DOCK6: variants seen among roughly 807,000 people sequenced by gnomAD.
DOCK6 encodes dedicator of cytokinesis protein 6.
In DOCK6, 167 loss-of-function variants were observed where a neutral mutation model predicts 230.3. That is an observed-to-expected ratio of 0.73 (90% CI 0.64 to 0.82). The LOEUF is 0.82. Among genes scored for constraint, DOCK6 ranks in the 40% least tolerant of loss-of-function variants. The probability of loss-of-function intolerance (pLI) is 0.00; values close to 1 mark genes in which losing one functional copy is unlikely to be tolerated. For synonymous variants in DOCK6, 1,148 were observed against 1,185.0 expected, an observed-to-expected ratio of 0.97 and a Z score of 0.64; for missense variants, 2,598 against 2,825.8, an observed-to-expected ratio of 0.92 and a Z score of 1.83.
Position 11,200,650 on chromosome 19 carries a change from G to T in DOCK6, c.5939+66C>A. On this transcript the variant is annotated intron_variant, in intron 46 of 47. Transcript: ENST00000294618. This position sits in a 1 kb window ranked among gnomAD's most constrained non-coding sequence, Gnocchi z 4.3. ...TGGGGGAGCCATGCAGAGATCAGAT[G>T]GGCAGAGAGCAGGCCTATGCAGGTT... 6.6e-7 allele frequency: 1 copy of T among 1,512,108 alleles called. No homozygotes were observed. Among genetic ancestry groups the T allele is most frequent in the Non-Finnish European group, 9.0e-7 (1 of 1,115,000 alleles). 93.7% of individuals were successfully genotyped at this position (1,512,108 alleles called of 1,614,324 possible). A position where few individuals can be genotyped will look rare whatever the true frequency, so the allele number is the denominator to read the frequency against.
At chr19:11,224,214 CT>C (rs1555691471) in intron 24 of DOCK6, among the ~76,000 whole-genome samples, 177 of 142,038 alleles carry the variant, frequency 1.2e-3, no homozygotes, top group Middle Eastern at 7.4e-3. Flanking sequence ...TTCTTTCTTT[CT>C]TTTTTTTTTT....
intron 1 of DOCK6, among the ~76,000 whole-genome samples, chr19:11,257,957 C>A (rs925994318): frequency 2.0e-5 from 3 of 151,972 alleles, no homozygotes; most frequent in Admixed American, 1.3e-4. Context: ...CACACACACA[C>A]GCACACAGAA....
chr19:11,231,099 G>T (rs1032451327), intron 22 of DOCK6, among the ~76,000 whole-genome samples: 2 of 152,130 alleles, frequency 1.3e-5, no homozygotes, highest in African/African-American at 4.8e-5. Context: ...GGCCCCCCCT[G>T]CTTGTTCTGC....
At chr19:11,240,307 C>A in intron 14 of DOCK6, 1 of 1,550,176 alleles carries the variant, frequency 6.5e-7, no homozygotes. Flanking sequence ...GTAAGGAGCT[C>A]CCCCAACCCT....
chr19:11,255,493 C>G (rs2080183678), intron 1 of DOCK6, among the ~76,000 whole-genome samples: 1 of 151,586 alleles, frequency 6.6e-6, no homozygotes, highest in African/African-American at 2.4e-5. Flanking sequence ...TTTCTATTTT[C>G]AGTAGAGACA....
In DOCK6 at chr19:11,236,726, T is replaced by C. The variant is rs545720767; in HGVS notation, c.2160+67A>G. ...AGACCTCCCCGGCCATCGGCAACTG[T>C]TACTCAATCGTAGGGCAGGCAAGAG... On this transcript the variant is annotated intron_variant, in intron 19 of 47. Transcript: ENST00000294618. The surrounding 1 kb of genome is among the most constrained non-coding windows in gnomAD (Gnocchi z 5.2). 4.8e-5 allele frequency: 74 copies of C among 1,539,804 alleles called. No individual in the cohort carries two copies. The highest frequency in any genetic ancestry group is 2.0e-4 in the Admixed American group (10 of 50,840).
At position 11,200,167 on chromosome 19, in the gene DOCK6, AAAACCGGAAAC is replaced by A; in HGVS notation, c.6101+130_6101+140del. 1.1e-6 allele frequency: 1 copy of A among 937,520 alleles called. No individual in the cohort carries two copies. The allele number at this position is 937,520 out of a possible 1,614,324, so 58.1% of individuals were successfully genotyped here. ...GTCTCTCAAAAAAAAAAACAAAAAA[AAAACCGGAAAC>A]AAAACAAAGTCCAAGCTACCAGCAA... is the stretch of plus-strand genomic sequence containing the variant. On this transcript the variant is annotated intron_variant, in intron 47 of 47. Coordinates refer to ENST00000294618, the MANE Select transcript of DOCK6 (RefSeq NM_020812.4). This position sits in a 1 kb window ranked among gnomAD's most constrained non-coding sequence, Gnocchi z 4.3.
Position 11,236,215 on chromosome 19 carries a change from G to T in DOCK6, c.2392+131C>A. On this transcript the variant is annotated intron_variant, in intron 20 of 47. Coordinates refer to ENST00000294618, the MANE Select transcript of DOCK6 (RefSeq NM_020812.4). This position sits in a 1 kb window ranked among gnomAD's most constrained non-coding sequence, Gnocchi z 5.2. The stretch of plus-strand genomic sequence containing the variant: ...CAGAAGACCTTCTCTGGGTGCAGGG[G>T]ACTGGAGGTCATTTTTCAGATGAGA... The T allele has an allele frequency of 1.1e-6, 1 of 882,496 alleles. No individual in the cohort carries two copies. Among genetic ancestry groups the T allele is most frequent in the South Asian group, 1.8e-5 (1 of 56,678 alleles). 54.7% of individuals were successfully genotyped at this position (882,496 alleles called of 1,614,324 possible).
rs1449011441 is a variant in DOCK6, at chr19:11,243,087, G to A, written c.1452C>T (p.Ser484=). ...TCACAGGACGTAGTCGCCGCAGCAG[G>A]GACGACGGGCGCCTCATGTCAGCCA... ...KFLADMRRPS[S]LLRRLRPVTA... The change falls in exon 13 of 48, where the codon TCC becomes TCT. Residue 484 remains serine (S), a synonymous_variant. Transcript: ENST00000294618. The surrounding 1 kb of genome is among the most constrained non-coding windows in gnomAD (Gnocchi z 6.3). The A allele has an allele frequency of 1.9e-6, 3 of 1,613,968 alleles. No homozygotes were observed. The East Asian group carries it at 6.7e-5, about 36-fold the overall frequency.
intron 28 of DOCK6, 145 bp downstream of exon 28, chr19:11,221,706 A>T: frequency 8.3e-7 from 1 of 1,203,428 alleles, no homozygotes; most frequent in Non-Finnish European, 1.2e-6. Context: ...TGACTTAAGT[A>T]GTCTGTCCTA....
Position 11,228,974 on chromosome 19 carries a change from A to T in DOCK6, c.2780T>A (p.Ile927Asn), listed in dbSNP as rs2079719058. 1.1e-5 allele frequency: 18 copies of T among 1,613,470 alleles called. No individual in the cohort carries two copies. Among genetic ancestry groups the T allele is most frequent in the Non-Finnish European group, 1.3e-5 (15 of 1,179,768 alleles). The change falls in exon 23 of 48, where the codon ATC becomes AAC. Residue 927 changes from isoleucine (I) to asparagine (N), a missense_variant. Ile to Asn is a moderately radical substitution (Grantham distance 149, BLOSUM62 -3). Coordinates refer to ENST00000294618, the MANE Select transcript of DOCK6 (RefSeq NM_020812.4). ...GAAGAAGAACCAGGCGTGCTGGAGG[A>T]TGGCCTCGCGTACGGCACTGCTGCT... ...VVSSSAVREA[I>N]LQHAWFFFQL...
In DOCK6 at chr19:11,236,203, C is replaced by G. The variant is rs1018894178; in HGVS notation, c.2392+143G>C. 4.9e-6 allele frequency: 4 copies of G among 821,990 alleles called. No individual in the cohort carries two copies. The highest frequency in any genetic ancestry group is 7.1e-4 in the Middle Eastern group (2 of 2,834). 50.9% of individuals were successfully genotyped at this position (821,990 alleles called of 1,614,324 possible). A position where few individuals can be genotyped will look rare whatever the true frequency, so the allele number is the denominator to read the frequency against. The stretch of plus-strand genomic sequence containing the variant: ...GCCAAAGGGTCACAGAAGACCTTCT[C>G]TGGGTGCAGGGGACTGGAGGTCATT... On this transcript the variant is annotated intron_variant, in intron 20 of 47. Coordinates refer to ENST00000294618, the MANE Select transcript of DOCK6 (RefSeq NM_020812.4). The surrounding 1 kb of genome is among the most constrained non-coding windows in gnomAD (Gnocchi z 5.2).
Position 11,209,071 on chromosome 19 carries a change from A to G in DOCK6, c.4784T>C (p.Leu1595Pro), listed in dbSNP as rs2079317062. ...IARGYQGSPD[L>P]RLTWLQNMAG... ...CATGTTCTGCAACCAGGTCAGCCGA[A>G]GGTCCGGTGAGCCCTGGTAGCCCCG... is the stretch of plus-strand genomic sequence containing the variant. Residue 1595 changes from leucine (L) to proline (P), a missense_variant, in exon 38 of 48, where the codon CTT becomes CCT. By Grantham distance (98) the Leu-to-Pro change is moderately conservative. Transcript: ENST00000294618. 1.9e-6 allele frequency: 3 copies of G among 1,612,168 alleles called. No homozygotes were observed. In the South Asian group the frequency reaches 3.3e-5, roughly 18 times the overall value.
chr19:11,211,033 C>T (rs151166672), intron 37 of DOCK6, among the ~76,000 whole-genome samples: 1 of 151,820 alleles, frequency 6.6e-6, no homozygotes, highest in Admixed American at 6.6e-5. Context: ...TCCCACTTAC[C>T]TGTCTCCTCA....
rs1325174284 is a variant in DOCK6 at position 11,201,917 on chromosome 19, G to A, written c.5660C>T (p.Thr1887Ile). 1.3e-6 allele frequency: 2 copies of A among 1,591,526 alleles called. No homozygotes were observed. Among genetic ancestry groups the A allele is most frequent in the Admixed American group, 1.8e-5 (1 of 55,534 alleles). The part of the protein sequence containing the change: ...STDHAFPYIK[T>I]RIRVCHREET... ...CTCCCGGTGGCACACACGGATGCGAGTCTTGATGTAGGGGAAGGCGTGGTC... is the reference window on the plus strand; with the variant it reads ...CTCCCGGTGGCACACACGGATGCGAATCTTGATGTAGGGGAAGGCGTGGTC... The change falls in exon 44 of 48, where the codon ACT becomes ATT. Residue 1887 changes from threonine to isoleucine, a missense_variant. By Grantham distance (89) the Thr-to-Ile change is moderately conservative (BLOSUM62 -1). Transcript: ENST00000294618. The surrounding 1 kb of genome is among the most constrained non-coding windows in gnomAD (Gnocchi z 4.3).
rs1364233675 is a variant in DOCK6 at position 11,200,162 on chromosome 19, A to G, written c.6101+146T>C. On this transcript the variant is annotated intron_variant, in intron 47 of 47. Coordinates refer to ENST00000294618, the MANE Select transcript of DOCK6 (RefSeq NM_020812.4). The surrounding 1 kb of genome is among the most constrained non-coding windows in gnomAD (Gnocchi z 4.3). The stretch of plus-strand genomic sequence containing the variant: ...GGAGAGTCTCTCAAAAAAAAAAACA[A>G]AAAAAAAACCGGAAACAAAACAAAG... 2 of 911,492 alleles carry G rather than the reference A, an allele frequency of 2.2e-6. No individual in the cohort carries two copies. The highest frequency in any genetic ancestry group is 3.5e-5 in the African/African-American group (2 of 57,596). 56.5% of individuals were successfully genotyped at this position (911,492 alleles called of 1,614,324 possible).
At position 11,225,491 on chromosome 19, in the gene DOCK6, G is replaced by A. The variant is rs192608180; in HGVS notation, c.2955+1846C>T. Reference sequence around the variant, plus strand: ...CTCCTTAGACACCAGGCCATCTCCTGGCATGGGAACATAGGAAGACCCCAT... The same window carrying A: ...CTCCTTAGACACCAGGCCATCTCCTAGCATGGGAACATAGGAAGACCCCAT... On this transcript the variant is annotated intron_variant, in intron 24 of 47. Transcript: ENST00000294618. Among the ~76,000 whole-genome samples the A allele has an allele frequency of 2.3e-3, 344 of 151,900 alleles. 1 individual carries two copies. The highest frequency in any genetic ancestry group is 7.7e-3 in the African/African-American group (320 of 41,408).
Position 11,200,502 on chromosome 19 carries a change from C to T in DOCK6, c.5940-33G>A. 6.2e-7 allele frequency: 1 copy of T among 1,600,226 alleles called. No individual in the cohort carries two copies. Among genetic ancestry groups the T allele is most frequent in the East Asian group, 2.3e-5 (1 of 44,174 alleles). On this transcript the variant is annotated intron_variant, in intron 46 of 47. Coordinates refer to ENST00000294618, the MANE Select transcript of DOCK6 (RefSeq NM_020812.4). The surrounding 1 kb of genome is among the most constrained non-coding windows in gnomAD (Gnocchi z 4.3). ...CCAGAGGGTGGGAGATGCTCAGAGA[C>T]TCGCACACGGGACTGAAAGCAAGAC... is the stretch of plus-strand genomic sequence containing the variant.
At chr19:11,252,659 G>C in intron 3 of DOCK6, 109 bp from the exon 4 acceptor site, 2 of 1,593,450 alleles carry the variant, frequency 1.3e-6, no homozygotes, top group Non-Finnish European at 1.7e-6. Context: ...GGAGATGGAG[G>C]CTCAGAGAAA....
Sources: allele counts gnomAD v4.1 joint callset (sites outside exome capture counted in the v4.1 genomes callset), GRCh38; gene constraint gnomAD v4.1.1; non-coding constraint Gnocchi (gnomAD v3.1); transcripts MANE v1.5; gene names NCBI Gene and HGNC (gene_info 2026-07-23, HGNC 2026-07-21).